Variants in APBA1 observed in about 807,000 individuals in gnomAD.
APBA1 encodes the protein amyloid-beta A4 precursor protein-binding family A member 1.
In APBA1, 55 loss-of-function variants were observed where a neutral mutation model predicts 86.6. The ratio of observed to expected loss-of-function variants is 0.64; its 90% CI spans 0.51 to 0.80. The LOEUF (loss-of-function observed/expected upper bound fraction) is 0.80, where lower values mean the gene tolerates loss of function less well. APBA1 is among the 30% of genes least tolerant of loss of function. The pLI is 0.00. For missense variants in APBA1, 1,090 were observed against 1,183.0 expected, an observed-to-expected ratio of 0.92 and a Z score of 1.15; for synonymous variants, 511 against 493.9, an observed-to-expected ratio of 1.03 and a Z score of -0.46.
chr9:69,607,542 T>A (rs1034535167), intron 1 of APBA1, among the ~76,000 whole-genome samples: 5 of 152,234 alleles, frequency 3.3e-5, no homozygotes, highest in African/African-American at 1.2e-4. Context: ...ACAGTTTTTT[T>A]AATTCAAGCT....
chr9:69,482,654 C>T (rs1177225189), intron 2 of APBA1, among the ~76,000 whole-genome samples: 2 of 151,492 alleles, frequency 1.3e-5, no homozygotes, highest in African/African-American at 4.9e-5. Flanking sequence ...AATCATGCTG[C>T]TATAAAGACA....
intron 1 of APBA1, among the ~76,000 whole-genome samples, chr9:69,604,863 C>A (rs1280772116): frequency 7.1e-6 from 1 of 141,568 alleles, no homozygotes; most frequent in African/African-American, 2.7e-5. Context: ...GGCATATGAG[C>A]ATGGGCACAC....
chr9:69,433,991 T>C (rs1177033380), intron 11 of APBA1, among the ~76,000 whole-genome samples: 2 of 152,186 alleles, frequency 1.3e-5, no homozygotes, highest in Admixed American at 6.5e-5. Flanking sequence ...TTTGTATTTT[T>C]AGCAGAGACT....
At chr9:69,608,233 G>A (rs920053726) in intron 1 of APBA1, among the ~76,000 whole-genome samples, 3 of 152,152 alleles carry the variant, frequency 2.0e-5, no homozygotes, top group Admixed American at 6.5e-5. Context: ...GATGAACACT[G>A]TTGACTGCAA....
intron 1 of APBA1, among the ~76,000 whole-genome samples, chr9:69,537,513 C>T (rs1836532401): frequency 6.6e-6 from 1 of 152,060 alleles, no homozygotes; most frequent in Non-Finnish European, 1.5e-5. Context: ...CCAACAGACC[C>T]ACTTCCTTTC....
intron 1 of APBA1, among the ~76,000 whole-genome samples, chr9:69,569,593 G>A (rs1837083684): frequency 6.6e-6 from 1 of 152,094 alleles, no homozygotes; most frequent in South Asian, 2.1e-4. Flanking sequence ...TGCCGAGACT[G>A]AGAAACCCTC....
Position 69,430,630 on chromosome 9 carries a change from A to G in APBA1, c.*697T>C, listed in dbSNP as rs1834573739. The stretch of plus-strand genomic sequence containing the variant: ...GTTGATAACTTGAGGACAACCTGGT[A>G]AAGCTTCAGATGCCCCATGAATTGC... On this transcript the variant is annotated 3_prime_UTR_variant, in exon 13 of 13. Transcript: ENST00000265381. 6.6e-6 allele frequency: 1 copy of G among 152,488 alleles called. No individual in the cohort carries two copies. Among genetic ancestry groups the G allele is most frequent in the Non-Finnish European group, 1.5e-5 (1 of 68,070 alleles). The allele number at this position is 152,488 out of a possible 1,614,324, so 9.4% of individuals were successfully genotyped here.
intron 1 of APBA1, among the ~76,000 whole-genome samples, chr9:69,648,596 C>T (rs1260373582): frequency 6.6e-6 from 1 of 152,282 alleles, no homozygotes. Context: ...GCACAGACCA[C>T]CCAGCTATTA....
intron 2 of APBA1, among the ~76,000 whole-genome samples, chr9:69,510,380 C>T (rs867152158): frequency 1.1e-3 from 157 of 147,704 alleles, no homozygotes; most frequent in Middle Eastern, 7.0e-3. Context: ...TGAAGGACCT[C>T]TTCAAGGAGA....
At chr9:69,622,865 G>A (rs984155440) in intron 1 of APBA1, among the ~76,000 whole-genome samples, 1 of 152,154 alleles carries the variant, frequency 6.6e-6, no homozygotes, top group African/African-American at 2.4e-5. Flanking sequence ...AAACCCTTCT[G>A]ATGTTTGGAA....
At chr9:69,546,590 A>G (rs1377289149) in intron 1 of APBA1, among the ~76,000 whole-genome samples, 1 of 152,148 alleles carries the variant, frequency 6.6e-6, no homozygotes, top group Non-Finnish European at 1.5e-5. Context: ...AACTAGCTTA[A>G]GTAAGTTGCC....
At chr9:69,603,297 G>A (rs537233209) in intron 1 of APBA1, among the ~76,000 whole-genome samples, 17 of 152,334 alleles carry the variant, frequency 1.1e-4, no homozygotes, top group Non-Finnish European at 2.4e-4. Flanking sequence ...CCCAGTCAAT[G>A]ATACCTTTAT....
At chr9:69,621,283 G>A (rs79323165) in intron 1 of APBA1, among the ~76,000 whole-genome samples, 5,555 of 152,158 alleles carry the variant, frequency 0.037, 343 homozygotes, top group African/African-American at 0.13. Context: ...GTAAGATTAC[G>A]TGAATTATAT....
chr9:69,489,765 C>G (rs1466145185), intron 2 of APBA1, among the ~76,000 whole-genome samples: 1 of 151,988 alleles, frequency 6.6e-6, no homozygotes, highest in Non-Finnish European at 1.5e-5. Context: ...CAAATCAAAA[C>G]CACAATGAGA....
intron 1 of APBA1, among the ~76,000 whole-genome samples, chr9:69,578,891 T>G (rs1291723419): frequency 1.3e-5 from 2 of 152,180 alleles, no homozygotes; most frequent in African/African-American, 4.8e-5. Flanking sequence ...CCCAGCACCA[T>G]GTTAGCATAT....
chr9:69,511,217 A>C (rs991281570), intron 2 of APBA1, among the ~76,000 whole-genome samples: 16 of 152,316 alleles, frequency 1.1e-4, no homozygotes, highest in African/African-American at 3.6e-4. Flanking sequence ...AACTCAAACA[A>C]ATTTACAAGA....
chr9:69,514,080 T>C (rs968618181), intron 2 of APBA1, among the ~76,000 whole-genome samples: 2 of 152,234 alleles, frequency 1.3e-5, no homozygotes, highest in African/African-American at 2.4e-5. Flanking sequence ...TCTGAACAGA[T>C]TGTGACACCT....
At chr9:69,636,890 A>AGAAG (rs1284734460) in intron 1 of APBA1, among the ~76,000 whole-genome samples, 803 of 23,520 alleles carry the variant, frequency 0.034, 101 homozygotes, top group African/African-American at 0.054. Context: ...AAGGAAGGAA[A>AGAAG]GAAGGAAGGA....
chr9:69,550,271 T>A (rs1258948173), intron 1 of APBA1, among the ~76,000 whole-genome samples: 1 of 152,216 alleles, frequency 6.6e-6, no homozygotes, highest in South Asian at 2.1e-4. Context: ...TGGAAAATTA[T>A]GCAATTTCTT....
Sources: gnomAD v4.1 joint callset for allele counts (sites outside exome capture counted in the v4.1 genomes callset) on GRCh38, gnomAD v4.1.1 for gene constraint, MANE v1.5 for transcripts, NCBI Gene and HGNC (gene_info 2026-07-23, HGNC 2026-07-21) for gene names.